Variants in TAB2 observed in about 807,000 individuals in gnomAD.
The protein encoded by TAB2 is TGF-beta activated kinase 1 (MAP3K7) binding protein 2.
Under a neutral mutation model 65.0 loss-of-function variants are expected in TAB2, and 3 were observed. That is an observed-to-expected ratio of 0.05 (90% CI 0.02 to 0.12). The LOEUF (loss-of-function observed/expected upper bound fraction) is 0.12. Among genes scored for constraint, TAB2 ranks in the 10% least tolerant of loss-of-function variants. TAB2 has a pLI of 1.00. For missense variants in TAB2, 623 were observed against 840.3 expected (o/e 0.74, Z 3.20); for synonymous variants, 298 against 285.1 (o/e 1.05, Z -0.46).
chr6:149,372,438 A>G (rs1583134114), intron 2 of TAB2: 2 of 152,322 alleles, frequency 1.3e-5, no homozygotes, highest in East Asian at 1.9e-4. Context: ...CTCAACAGGT[A>G]TCTTTTTTTT....
chr6:149,320,763 GA>G (rs1583085712), intron 1 of TAB2, among the ~76,000 whole-genome samples: 1 of 152,026 alleles, frequency 6.6e-6, no homozygotes. Context: ...TATTTTGGGG[GA>G]AAGTTCCTGA....
chr6:149,390,448 C>T (rs764692618), intron 3 of TAB2, among the ~76,000 whole-genome samples: 3 of 152,046 alleles, frequency 2.0e-5, no homozygotes, highest in Non-Finnish European at 4.4e-5. Flanking sequence ...AGCAAATTCT[C>T]GTGTTTTTGT....
At chr6:149,325,030 G>A (rs1779559554) in intron 1 of TAB2, among the ~76,000 whole-genome samples, 1 of 151,840 alleles carries the variant, frequency 6.6e-6, no homozygotes, top group Non-Finnish European at 1.5e-5. Context: ...TACTGCTTTT[G>A]GTTTTTAGTT....
chr6:149,222,262 T>C (rs1158143741), intron 1 of TAB2, among the ~76,000 whole-genome samples: 1 of 152,144 alleles, frequency 6.6e-6, no homozygotes, highest in Non-Finnish European at 1.5e-5. Flanking sequence ...GGCCTTCAGC[T>C]TGCAAACAGG....
intron 1 of TAB2, among the ~76,000 whole-genome samples, chr6:149,289,265 T>C (rs533865592): frequency 6.6e-6 from 1 of 152,066 alleles, no homozygotes; most frequent in African/African-American, 2.4e-5. Context: ...CAGTGGCTCA[T>C]GCCTGTAATC....
At chr6:149,325,423 A>G (rs968429889) in intron 1 of TAB2, among the ~76,000 whole-genome samples, 5 of 152,230 alleles carry the variant, frequency 3.3e-5, no homozygotes, top group Non-Finnish European at 5.9e-5. Context: ...ATAGAATGAA[A>G]AAAGAATTTC....
chr6:149,373,167 T>C (rs1781285863), intron 2 of TAB2, among the ~76,000 whole-genome samples: 1 of 152,232 alleles, frequency 6.6e-6, no homozygotes, highest in South Asian at 2.1e-4. Flanking sequence ...TTTATATCTT[T>C]AAAGTTGATT....
At chr6:149,288,659 C>A (rs1369397798) in intron 1 of TAB2, among the ~76,000 whole-genome samples, 1 of 152,152 alleles carries the variant, frequency 6.6e-6, no homozygotes, top group Non-Finnish European at 1.5e-5. Flanking sequence ...ACTTGAAATA[C>A]ACTTTATAAG....
At chr6:149,254,650 T>C (rs946435635) in intron 1 of TAB2, among the ~76,000 whole-genome samples, 3 of 152,244 alleles carry the variant, frequency 2.0e-5, no homozygotes, top group African/African-American at 7.2e-5. Flanking sequence ...GTGACCATAA[T>C]TATACATGTC....
At chr6:149,313,378 A>G (rs1779197983), upstream of TAB2, among the ~76,000 whole-genome samples, 1 of 151,968 alleles carries the variant, frequency 6.6e-6, no homozygotes, top group South Asian at 2.1e-4. Context: ...ATTTCTGTAC[A>G]ATACATGGCC....
intron 1 of TAB2, among the ~76,000 whole-genome samples, chr6:149,302,128 ATAGAC>A (rs557588966): frequency 1.2e-4 from 18 of 152,176 alleles, no homozygotes; most frequent in Non-Finnish European, 2.1e-4. Flanking sequence ...TATGTCCAAG[ATAGAC>A]TAAAGAGCAG....
At chr6:149,372,648 C>A (rs9498335) in intron 2 of TAB2, among the ~76,000 whole-genome samples, 35,867 of 151,926 alleles carry the variant, frequency 0.24, 4,413 homozygotes, top group Non-Finnish European at 0.26. Context: ...AAATGAAATA[C>A]TTTGCTTGCC....
intron 1 of TAB2, among the ~76,000 whole-genome samples, chr6:149,329,122 A>T (rs2114748162): frequency 6.6e-6 from 1 of 152,320 alleles, no homozygotes; most frequent in Admixed American, 6.5e-5. Flanking sequence ...TACTCCATAA[A>T]GGAGATTTAA....
At chr6:149,268,138 T>A (rs568576627) in intron 1 of TAB2, among the ~76,000 whole-genome samples, 15 of 152,254 alleles carry the variant, frequency 9.9e-5, no homozygotes, top group African/African-American at 3.6e-4. Flanking sequence ...AGGCACTTGC[T>A]CACCAAAAAG....
chr6:149,383,248 G>C (rs1380369357), intron 3 of TAB2, among the ~76,000 whole-genome samples: 1 of 152,100 alleles, frequency 6.6e-6, no homozygotes, highest in Non-Finnish European at 1.5e-5. Context: ...GAGGACACCT[G>C]AAAGTAAAAA....
chr6:149,275,897 G>A (rs1778462897), intron 1 of TAB2, among the ~76,000 whole-genome samples: 1 of 152,212 alleles, frequency 6.6e-6, no homozygotes, highest in Non-Finnish European at 1.5e-5. Flanking sequence ...AAGGTTATCT[G>A]AGAAACTGCT....
intron 1 of TAB2, among the ~76,000 whole-genome samples, chr6:149,362,794 G>A (rs935098341): frequency 3.3e-5 from 5 of 152,206 alleles, no homozygotes; most frequent in African/African-American, 7.2e-5. Flanking sequence ...TTGTTTTGAG[G>A]TGTTGTTTTG....
At chr6:149,222,706 A>G (rs1246367107) in intron 1 of TAB2, among the ~76,000 whole-genome samples, 2 of 151,994 alleles carry the variant, frequency 1.3e-5, no homozygotes. Context: ...AATACACTAT[A>G]TAACAATTAC....
chr6:149,326,809 T>G (rs1482628899), intron 1 of TAB2, among the ~76,000 whole-genome samples: 1 of 152,184 alleles, frequency 6.6e-6, no homozygotes. Flanking sequence ...TCAGCCTTGC[T>G]TTTTTAAGCG....
Sources: allele counts gnomAD v4.1 joint callset (sites outside exome capture counted in the v4.1 genomes callset), GRCh38; gene constraint gnomAD v4.1.1; transcripts MANE v1.5; gene names NCBI Gene and HGNC (gene_info 2026-07-23, HGNC 2026-07-21).